The following SNW1 variants were observed in gnomAD, a reference collection of about 807,000 sequenced individuals.
SNW1 encodes the protein SNW domain containing 1.
SNW1 carries 9 observed loss-of-function variants against 75.6 expected under a neutral mutation model. The observed-to-expected ratio is 0.12, with a 90% CI of 0.07 to 0.21. SNW1 has a LOEUF of 0.21. Ranked by LOEUF, SNW1 falls within the 10% of genes least tolerant of loss-of-function variation. The pLI is 1.00. For synonymous variants in SNW1, 200 were observed against 219.1 expected, an observed-to-expected ratio of 0.91 and a Z score of 0.77; for missense variants, 409 against 670.9, an observed-to-expected ratio of 0.61 and a Z score of 4.31.
At chr14:77,754,903 T>C (rs1397049839) in intron 2 of SNW1, 64 bp downstream of exon 2, 10 of 1,379,016 alleles carry the variant, frequency 7.3e-6, no homozygotes, top group African/African-American at 1.5e-5. Context: ...TAAATTTATG[T>C]TATAGTGTGC....
chr14:77,736,065 T>G lies in SNW1; in HGVS notation c.639-59A>C. ...AGTTTCCTCCCTTTTAGTCATCATA[T>G]CAAGTCTCTCCTCCTTTTTCTTGCA... On this transcript the variant is annotated intron_variant, in intron 6 of 13. Transcript: ENST00000261531. 4.1e-6 allele frequency: 5 copies of G among 1,226,484 alleles called. No homozygotes were observed. In the South Asian group the frequency reaches 6.4e-5, roughly 16 times the overall value. 76.0% of individuals were successfully genotyped at this position (1,226,484 alleles called of 1,614,324 possible).
At chr14:77,751,018 C>T (rs138036364) in intron 3 of SNW1, among the ~76,000 whole-genome samples, 326 of 152,258 alleles carry the variant, frequency 2.1e-3, no homozygotes, top group Non-Finnish European at 3.6e-3. Context: ...TAAAAATTTA[C>T]TGGCAGTTTT....
rs1299798642 is a variant in SNW1, at chr14:77,732,856, G to A, written c.775-255C>T. On this transcript the variant is annotated intron_variant, in intron 8 of 13. Coordinates refer to ENST00000261531, the MANE Select transcript of SNW1 (RefSeq NM_012245.3). ...TTTTTCTATTTTTAGTAGAGACGGA[G>A]TTTCACCATGTTGGCCAGGATGGTT... 8.5e-5 allele frequency among the ~76,000 whole-genome samples: 13 copies of A among 152,270 alleles called. No homozygotes were observed. In the South Asian group the frequency reaches 1.7e-3, roughly 19 times the overall value.
intron 5 of SNW1, among the ~76,000 whole-genome samples, chr14:77,738,020 A>G (rs1291164387): frequency 6.9e-6 from 1 of 145,894 alleles, no homozygotes; most frequent in African/African-American, 2.6e-5. Flanking sequence ...AGAAAATAGC[A>G]TAGGCTGGGC....
intron 3 of SNW1, among the ~76,000 whole-genome samples, chr14:77,748,105 C>G (rs1036516331): frequency 1.3e-5 from 2 of 152,188 alleles, no homozygotes; most frequent in African/African-American, 2.4e-5. Context: ...TAATCATAAC[C>G]TTACCCCTAA....
chr14:77,736,172 G>A (rs1350467707), intron 6 of SNW1, among the ~76,000 whole-genome samples, 166 bp from the exon 7 acceptor site: 1 of 152,006 alleles, frequency 6.6e-6, no homozygotes, highest in Non-Finnish European at 1.5e-5. Flanking sequence ...AATAAAACAT[G>A]GCCAACTTTG....
intron 12 of SNW1, 127 bp from the exon 13 acceptor site, chr14:77,718,657 TAA>T (rs1382829705): frequency 8.6e-6 from 5 of 579,502 alleles, no homozygotes; most frequent in Non-Finnish European, 1.5e-5. Flanking sequence ...AACTGCAAAT[TAA>T]AAAGTCTTCA....
chr14:77,747,585 G>GTACCCAACAGCTC (rs2080771440), intron 3 of SNW1, among the ~76,000 whole-genome samples: 1 of 152,020 alleles, frequency 6.6e-6, no homozygotes, highest in African/African-American at 2.4e-5. Context: ...TCTGGGAGGT[G>GTACCCAACAGCTC]AGGAGCGTCT....
At chr14:77,750,272 A>G (rs1406973378) in intron 3 of SNW1, among the ~76,000 whole-genome samples, 2 of 152,228 alleles carry the variant, frequency 1.3e-5, no homozygotes, top group Non-Finnish European at 2.9e-5. Flanking sequence ...TGCAAAAACA[A>G]AAGTAAAAGT....
chr14:77,752,169 T>TG (rs2080814304), intron 2 of SNW1, among the ~76,000 whole-genome samples: 1 of 152,200 alleles, frequency 6.6e-6, no homozygotes, highest in Non-Finnish European at 1.5e-5. Flanking sequence ...AAGCTATACT[T>TG]GGGGCAGAAA....
At chr14:77,737,114 C>T in intron 5 of SNW1, 39 bp from the exon 6 acceptor site, 1 of 1,422,702 alleles carries the variant, frequency 7.0e-7, no homozygotes, top group Non-Finnish European at 9.9e-7. Context: ...GTAATTAGTT[C>T]AAGCTTTCAG....
chr14:77,746,513 G>A (rs887048147), intron 3 of SNW1, among the ~76,000 whole-genome samples: 1 of 152,190 alleles, frequency 6.6e-6, no homozygotes, highest in African/African-American at 2.4e-5. Context: ...GGCAGTATGT[G>A]TCACATGTGA....
intron 10 of SNW1, among the ~76,000 whole-genome samples, chr14:77,728,936 C>T (rs1299506805): frequency 2.0e-5 from 3 of 152,136 alleles, no homozygotes; most frequent in East Asian, 1.9e-4. Context: ...TTCTTGAGAA[C>T]GATTCTGTTG....
intron 1 of SNW1, among the ~76,000 whole-genome samples, chr14:77,756,687 C>G (rs981110692): frequency 6.6e-6 from 1 of 152,058 alleles, no homozygotes; most frequent in African/African-American, 2.4e-5. Flanking sequence ...AGATCAAGAC[C>G]GGCCTGATCA....
At chr14:77,738,646 G>A (rs376209458) in intron 5 of SNW1, 132 bp downstream of exon 5, 1 of 669,382 alleles carries the variant, frequency 1.5e-6, no homozygotes, top group Non-Finnish European at 2.6e-6. Context: ...AAAGACAGTA[G>A]ACAGGCTTTG....
At chr14:77,747,838 G>A (rs1433854897) in intron 3 of SNW1, among the ~76,000 whole-genome samples, 1 of 124,956 alleles carries the variant, frequency 8.0e-6, no homozygotes, top group East Asian at 2.7e-4. Flanking sequence ...GGAGGTGGGG[G>A]GCGCCTCTGC....
chr14:77,734,692 C>G (rs568861538), intron 8 of SNW1, among the ~76,000 whole-genome samples: 1 of 152,000 alleles, frequency 6.6e-6, no homozygotes, highest in South Asian at 2.1e-4. Flanking sequence ...GAGCTGAGAT[C>G]ATGCCACCGT....
intron 9 of SNW1, among the ~76,000 whole-genome samples, chr14:77,732,027 T>G (rs979086943): frequency 1.3e-5 from 2 of 152,204 alleles, no homozygotes; most frequent in Non-Finnish European, 2.9e-5. Flanking sequence ...TGAGCCATTG[T>G]GCCCAGCCTA....
intron 3 of SNW1, among the ~76,000 whole-genome samples, chr14:77,747,724 C>T (rs1412528059): frequency 1.4e-5 from 2 of 147,108 alleles, no homozygotes; most frequent in South Asian, 2.1e-4. Flanking sequence ...GCCCCCGCCC[C>T]GGCAGCCGCC....
Sources: allele counts gnomAD v4.1 joint callset (sites outside exome capture counted in the v4.1 genomes callset), GRCh38; gene constraint gnomAD v4.1.1; transcripts MANE v1.5; gene names NCBI Gene and HGNC (gene_info 2026-07-23, HGNC 2026-07-21).